GPR162: variants seen among roughly 807,000 people sequenced by gnomAD.
GPR162 encodes G protein-coupled receptor 162, also known as probable G protein-coupled receptor 162.
GPR162 carries 26 observed loss-of-function variants against 44.9 expected under a neutral mutation model. The observed-to-expected ratio is 0.58, with a 90% CI of 0.42 to 0.80. GPR162 has a LOEUF of 0.80. Ranked by LOEUF, GPR162 falls within the 30% of genes least tolerant of loss-of-function variation. The probability of loss-of-function intolerance (pLI) is 0.00; values close to 1 mark genes in which losing one functional copy is unlikely to be tolerated. For synonymous variants in GPR162, 363 were observed against 335.2 expected (o/e 1.08, Z -0.91); for missense variants, 704 against 802.3 (o/e 0.88, Z 1.48).
rs1346657042 is a variant in GPR162, at chr12:6,822,875, G to T, written c.-431-593G>T. On this transcript the variant is annotated intron_variant, in intron 1 of 4. Coordinates refer to ENST00000311268, the MANE Select transcript of GPR162 (RefSeq NM_019858.2). The surrounding 1 kb of genome is among the most constrained non-coding windows in gnomAD (Gnocchi z 4.2). ...CTAGTTCCCCCTCTTTCCATTTCTGGATGCTTCTGATGTCAGCGGTTTCCC... is the reference window on the plus strand; with the variant it reads ...CTAGTTCCCCCTCTTTCCATTTCTGTATGCTTCTGATGTCAGCGGTTTCCC... Among the ~76,000 whole-genome samples, 1 of 152,080 alleles carries T rather than the reference G, an allele frequency of 6.6e-6. No homozygotes were observed. The highest frequency in any genetic ancestry group is 1.5e-5 in the Non-Finnish European group (1 of 68,020).
In GPR162 at chr12:6,824,669, G is replaced by C; in HGVS notation, c.771G>C (p.Leu257=). 5 of 1,614,042 alleles carry C rather than the reference G, an allele frequency of 3.1e-6. No individual in the cohort carries two copies. Among genetic ancestry groups the C allele is most frequent in the Non-Finnish European group, 4.2e-6 (5 of 1,179,984 alleles). ...CCCGAGGGAAGCGGCGGTCCTCGCT[G>C]GATGGCTCGGAGTCTGCCAAGACAT... ...EDARGKRRSS[L]DGSESAKTSL... is the part of the protein sequence containing the mutation. Residue 257 remains leucine, a synonymous_variant, in exon 2 of 5, where the codon CTG becomes CTC. Transcript: ENST00000311268.
In GPR162 at chr12:6,826,862, G is replaced by A. The variant is rs181209093; in HGVS notation, c.1425G>A (p.Gly475=). The A allele has an allele frequency of 4.3e-6, 7 of 1,612,648 alleles. No homozygotes were observed. Among genetic ancestry groups the A allele is most frequent in the South Asian group, 1.1e-5 (1 of 91,020 alleles). The part of the protein sequence containing the change: ...EEDEEEAEGG[G]LASLRQFLES... ...ACGAGGAAGAGGCTGAAGGTGGGGG[G>A]CTGGCCAGCCTTCGCCAATTCTTGG... The change falls in exon 5 of 5, where the codon GGG becomes GGA. Residue 475 remains glycine, a synonymous_variant. Transcript: ENST00000311268.
rs1555120527 is a variant in GPR162 at position 6,827,219 on chromosome 12, G to C, written c.*15G>C. ...TGACCCTGTGAGCCCAAGCAGGCCT[G>C]CTGAACTCAGAGGAGAAAGCCTGAG... On this transcript the variant is annotated 3_prime_UTR_variant, in exon 5 of 5. Coordinates refer to ENST00000311268, the MANE Select transcript of GPR162 (RefSeq NM_019858.2). 1.9e-6 allele frequency: 3 copies of C among 1,577,116 alleles called. No individual in the cohort carries two copies. In the Admixed American group the frequency reaches 5.5e-5, roughly 29 times the overall value.
Position 6,826,187 on chromosome 12 carries a change from C to T in GPR162, c.1058-9C>T, listed in dbSNP as rs2137948522. The T allele has an allele frequency of 1.2e-6, 2 of 1,610,750 alleles. No homozygotes were observed. Among genetic ancestry groups the T allele is most frequent in the South Asian group, 1.1e-5 (1 of 90,858 alleles). Reference sequence around the variant, plus strand: ...TACCTGTAACCACTCTGCCCATTTTCTCTCCTAGATGGGGGCTGTGACGAC... The same window carrying T: ...TACCTGTAACCACTCTGCCCATTTTTTCTCCTAGATGGGGGCTGTGACGAC... On this transcript the variant is annotated splice_polypyrimidine_tract_variant and intron_variant, in intron 3 of 4. Coordinates refer to ENST00000311268, the MANE Select transcript of GPR162 (RefSeq NM_019858.2).
Position 6,824,753 on chromosome 12 carries a change from G to C in GPR162, c.855G>C (p.Gly285=). Residue 285 remains glycine, a synonymous_variant, in exon 2 of 5, where the codon GGG becomes GGC. Transcript: ENST00000311268. ...TCTTTCTCTATGACTCACTCACAGG[G>C]GTGCCCATCTTGGTGAGATCGGGGT... ...AIVFLYDSLT[G]VPILVVSFFS... is the part of the protein sequence containing the mutation. 1 of 1,612,872 alleles carries C rather than the reference G, an allele frequency of 6.2e-7. No individual in the cohort carries two copies. Among genetic ancestry groups the C allele is most frequent in the Non-Finnish European group, 8.5e-7 (1 of 1,179,916 alleles).
chr12:6,823,938 C>A lies in GPR162; in HGVS notation c.40C>A (p.Arg14Ser), dbSNP rs868975551. The A allele has an allele frequency of 7.0e-6, 11 of 1,570,734 alleles. No homozygotes were observed. The highest frequency in any genetic ancestry group is 5.6e-5 in the South Asian group (5 of 88,630). ...GGAGAEEASL[R>S]SNALSWLACG... ...GGCGGGGGCAGAGGAGGCCTCCCTGCGCTCCAACGCATTGTCCTGGCTGGC... is the reference window on the plus strand; with the variant it reads ...GGCGGGGGCAGAGGAGGCCTCCCTGAGCTCCAACGCATTGTCCTGGCTGGC... Residue 14 changes from arginine to serine, a missense_variant, in exon 2 of 5, where the codon CGC becomes AGC. By Grantham distance (110) the Arg-to-Ser change is moderately radical. Transcript: ENST00000311268.
Position 6,824,014 on chromosome 12 carries a change from C to T in GPR162, c.116C>T (p.Ser39Leu), listed in dbSNP as rs782214532. ...AATGCCTGGATCATCCTCAGCATCT[C>T]GGCCAAGCAGCAGAAGCACAAGCCA... ...LANAWIILSI[S>L]AKQQKHKPLE... Residue 39 changes from serine to leucine, a missense_variant, in exon 2 of 5, where the codon TCG becomes TTG. By Grantham distance (145) the Ser-to-Leu change is moderately radical (BLOSUM62 -2). This residue lies in a region of GPR162 where 110 missense variants were observed against 206.2 expected (regional missense o/e 0.53). Coordinates refer to ENST00000311268, the MANE Select transcript of GPR162 (RefSeq NM_019858.2). 9 of 1,609,668 alleles carry T rather than the reference C, an allele frequency of 5.6e-6. No homozygotes were observed. Among genetic ancestry groups the T allele is most frequent in the South Asian group, 4.4e-5 (4 of 91,064 alleles).
rs141548833 is a variant in GPR162 at position 6,826,838 on chromosome 12, C to T, written c.1401C>T (p.Asp467=). Residue 467 remains aspartate (D), a synonymous_variant, in exon 5 of 5, where the codon GAC becomes GAT. Transcript: ENST00000311268. ...GQRHRLEDEE[D]EEEAEGGGLA... ...GACACAGGTTGGAGGACGAGGAGGA[C>T]GAGGAAGAGGCTGAAGGTGGGGGGC... 52 of 1,609,796 alleles carry T rather than the reference C, an allele frequency of 3.2e-5. No individual in the cohort carries two copies. The highest frequency in any genetic ancestry group is 1.9e-4 in the African/African-American group (14 of 74,756).
rs1555119924 is a variant in GPR162 at position 6,825,683 on chromosome 12, G to A, written c.1057+10G>A. ...GAGGATGGAGATGACGGTCAGAGGA[G>A]GGGCTGGGCTTTGGCTTTCCTGGAC... On this transcript the variant is annotated intron_variant, in intron 3 of 4. Coordinates refer to ENST00000311268, the MANE Select transcript of GPR162 (RefSeq NM_019858.2). 4 of 1,556,234 alleles carry A rather than the reference G, an allele frequency of 2.6e-6. No individual in the cohort carries two copies. The Admixed American group carries it at 7.7e-5, about 30-fold the overall frequency.
Position 6,824,012 on chromosome 12 carries a change from C to T in GPR162, c.114C>T (p.Ile38=), listed in dbSNP as rs782588699. 1.2e-6 allele frequency: 2 copies of T among 1,609,770 alleles called. No individual in the cohort carries two copies. Among genetic ancestry groups the T allele is most frequent in the South Asian group, 2.2e-5 (2 of 91,068 alleles). The change falls in exon 2 of 5, where the codon ATC becomes ATT. Residue 38 remains isoleucine (I), a synonymous_variant. Transcript: ENST00000311268. ...CCAATGCCTGGATCATCCTCAGCAT[C>T]TCGGCCAAGCAGCAGAAGCACAAGC... ...LLANAWIILS[I]SAKQQKHKPL... is the part of the protein sequence containing the mutation.
rs1274869601 is a variant in GPR162, at chr12:6,826,365, G to T, written c.1215+12G>T. On this transcript the variant is annotated intron_variant, in intron 4 of 4. Coordinates refer to ENST00000311268, the MANE Select transcript of GPR162 (RefSeq NM_019858.2). ...TCCACTACTTACAGGTATGGAACTG[G>T]GGGATACATCTCCTACCCTTGGTGC... 3.7e-6 allele frequency: 6 copies of T among 1,602,950 alleles called. No homozygotes were observed. Among genetic ancestry groups the T allele is most frequent in the Non-Finnish European group, 5.1e-6 (6 of 1,173,536 alleles).
rs1423207007 is a variant in GPR162, at chr12:6,823,527, T to TG, written c.-370dup. ...CTGGGGCATCCAGAAGATTCCTGAC[T>TG]GGTCAAGAACCAGAGGCAAAAGAGA... On this transcript the variant is annotated 5_prime_UTR_variant, in exon 2 of 5. Coordinates refer to ENST00000311268, the MANE Select transcript of GPR162 (RefSeq NM_019858.2). The TG allele has an allele frequency of 2.0e-6, 1 of 496,096 alleles. No individual in the cohort carries two copies. The highest frequency in any genetic ancestry group is 1.9e-5 in the African/African-American group (1 of 51,284). 30.7% of individuals were successfully genotyped at this position (496,096 alleles called of 1,614,324 possible). A position where few individuals can be genotyped will look rare whatever the true frequency, so the allele number is the denominator to read the frequency against.
Position 6,826,814 on chromosome 12 carries a change from A to G in GPR162, c.1377A>G (p.Arg459=). The part of the protein sequence containing the change: ...LGGPPEYLGQ[R]HRLEDEEDEE... ...GTCCTCCTGAGTACCTGGGACAAAGACACAGGTTGGAGGACGAGGAGGACG... is the reference window on the plus strand; with the variant it reads ...GTCCTCCTGAGTACCTGGGACAAAGGCACAGGTTGGAGGACGAGGAGGACG... The change falls in exon 5 of 5, where the codon AGA becomes AGG. Residue 459 remains arginine (R), a synonymous_variant. Transcript: ENST00000311268. 3 of 1,610,350 alleles carry G rather than the reference A, an allele frequency of 1.9e-6. No homozygotes were observed. The highest frequency in any genetic ancestry group is 1.7e-5 in the Admixed American group (1 of 59,602).
rs146026728 is a variant in GPR162, at chr12:6,825,619, C to T, written c.1003C>T (p.Arg335Cys). 171 of 1,591,100 alleles carry T rather than the reference C, an allele frequency of 1.1e-4. No individual in the cohort carries two copies. Among genetic ancestry groups the T allele is most frequent in the Non-Finnish European group, 1.3e-4 (155 of 1,168,776 alleles). ...CTGCGAGCGCTACCGCGCCGACGTG[C>T]GCACAGTGTGGGAGCAATGCGTGGC... is the stretch of plus-strand genomic sequence containing the variant. ...WSCERYRADV[R>C]TVWEQCVAIM... The change falls in exon 3 of 5, where the codon CGC becomes TGC. Residue 335 changes from arginine (R) to cysteine (C), a missense_variant. Physicochemically the swap from Arg to Cys is radical, Grantham distance 180. Coordinates refer to ENST00000311268, the MANE Select transcript of GPR162 (RefSeq NM_019858.2).
At chr12:6,826,533 C>T (rs782428939) in intron 4 of GPR162, 120 bp from the exon 5 acceptor site, 4 of 1,131,430 alleles carry the variant, frequency 3.5e-6, no homozygotes, top group South Asian at 3.1e-5. Flanking sequence ...CAGGTTTGCC[C>T]ACCGGAGCAA....
In GPR162 at chr12:6,826,855, G is replaced by T. The variant is rs782258380; in HGVS notation, c.1418G>T (p.Gly473Val). Residue 473 changes from glycine (G) to valine (V), a missense_variant, in exon 5 of 5, where the codon GGT (glycine) becomes GTT (valine). By Grantham distance (109) the Gly-to-Val change is moderately radical. Transcript: ENST00000311268. Reference protein sequence around the residue: ...EDEEDEEEAEGGGLASLRQFL... With the variant: ...EDEEDEEEAEVGGLASLRQFL... ...GAGGAGGACGAGGAAGAGGCTGAAGGTGGGGGGCTGGCCAGCCTTCGCCAA... is the reference window on the plus strand; with the variant it reads ...GAGGAGGACGAGGAAGAGGCTGAAGTTGGGGGGCTGGCCAGCCTTCGCCAA... 11 of 1,612,652 alleles carry T rather than the reference G, an allele frequency of 6.8e-6. No individual in the cohort carries two copies. The highest frequency in any genetic ancestry group is 8.5e-6 in the Non-Finnish European group (10 of 1,179,340).
Position 6,827,070 on chromosome 12 carries a change from A to G in GPR162, c.1633A>G (p.Ser545Gly), listed in dbSNP as rs1555120387. Reference sequence around the variant, plus strand: ...CCGACTCTCCCTTGGGTCCCCTGAGAGCAGAGCCGTTGGACTTCCTTTGGG... The same window carrying G: ...CCGACTCTCCCTTGGGTCCCCTGAGGGCAGAGCCGTTGGACTTCCTTTGGG... ...PRRLSLGSPE[S>G]RAVGLPLGLS... is the part of the protein sequence containing the mutation. The change falls in exon 5 of 5, where the codon AGC becomes GGC. Residue 545 changes from serine to glycine, a missense_variant. Physicochemically the swap from Ser to Gly is moderately conservative, Grantham distance 56 (BLOSUM62 0). Around this residue, in one of 6 missense-constraint regions of GPR162, gnomAD observed 404 missense variants for 314.1 expected, o/e 1.29. Coordinates refer to ENST00000311268, the MANE Select transcript of GPR162 (RefSeq NM_019858.2). 5 of 1,613,348 alleles carry G rather than the reference A, an allele frequency of 3.1e-6. No individual in the cohort carries two copies. Among genetic ancestry groups the G allele is most frequent in the Non-Finnish European group, 4.2e-6 (5 of 1,179,998 alleles).
chr12:6,823,180 G>T (rs1283447587), intron 1 of GPR162, among the ~76,000 whole-genome samples: 4 of 152,206 alleles, frequency 2.6e-5, no homozygotes, highest in Admixed American at 2.6e-4. Context: ...GCTGAGCAGG[G>T]GATGTTCTAA....
At position 6,826,194 on chromosome 12, in the gene GPR162, A is replaced by G. The variant is rs565353480; in HGVS notation, c.1058-2A>G. On this transcript the variant is annotated splice_acceptor_variant, in intron 3 of 4. Coordinates refer to ENST00000311268, the MANE Select transcript of GPR162 (RefSeq NM_019858.2). LOFTEE classifies it high-confidence loss of function. ...AACCACTCTGCCCATTTTCTCTCCT[A>G]GATGGGGGCTGTGACGACTATGCAG... 4 of 1,612,572 alleles carry G rather than the reference A, an allele frequency of 2.5e-6. No individual in the cohort carries two copies. Among genetic ancestry groups the G allele is most frequent in the Non-Finnish European group, 3.4e-6 (4 of 1,179,148 alleles).
Sources: allele counts gnomAD v4.1 joint callset (sites outside exome capture counted in the v4.1 genomes callset), GRCh38; gene constraint gnomAD v4.1.1; regional missense constraint gnomAD v4.1.1; non-coding constraint Gnocchi (gnomAD v3.1); transcripts MANE v1.5; gene names NCBI Gene and HGNC (gene_info 2026-07-23, HGNC 2026-07-21).